Variants in FAM13C observed in about 807,000 individuals in gnomAD.
FAM13C encodes the protein protein FAM13C.
Under a neutral mutation model 73.2 loss-of-function variants are expected in FAM13C, and 37 were observed. That is an observed-to-expected ratio of 0.51 (90% CI 0.39 to 0.67). The LOEUF is 0.67. Among genes scored for constraint, FAM13C ranks in the 30% least tolerant of loss-of-function variants. The pLI is 0.00. For synonymous variants in FAM13C, 246 were observed against 260.9 expected (o/e 0.94, Z 0.55); for missense variants, 589 against 715.6 (o/e 0.82, Z 2.02).
chr10:59,352,017 A>G (rs1170061256), intron 3 of FAM13C, among the ~76,000 whole-genome samples: 2 of 152,176 alleles, frequency 1.3e-5, no homozygotes, highest in Non-Finnish European at 2.9e-5. Flanking sequence ...ATAAATAAAT[A>G]AAAATTAAAA....
At chr10:59,318,901 A>G (rs901965877) in intron 4 of FAM13C, among the ~76,000 whole-genome samples, 4 of 152,128 alleles carry the variant, frequency 2.6e-5, no homozygotes, top group Non-Finnish European at 4.4e-5. Context: ...AGATCCTAGA[A>G]ATATGCAGAG....
intron 2 of FAM13C, among the ~76,000 whole-genome samples, chr10:59,355,389 G>C (rs907006627): frequency 6.6e-6 from 1 of 152,132 alleles, no homozygotes; most frequent in African/African-American, 2.4e-5. Flanking sequence ...CTAAGTGTCA[G>C]TTTCTCCATC....
Position 59,247,619 on chromosome 10 carries a change from T to C in FAM13C, c.1753A>G (p.Ile585Val). The change falls in exon 14 of 14, where the codon ATT becomes GTT. Residue 585 changes from isoleucine to valine, a missense_variant. By Grantham distance (29) the Ile-to-Val change is conservative (BLOSUM62 3). Coordinates refer to ENST00000618804, the MANE Select transcript of FAM13C (RefSeq NM_198215.4). ...LISKQDVAKT[I>V] Reference sequence around the variant, plus strand: ...ATCATAACATTTCCTGAACCTCAAATAGTTTTGGCCACATCTTGCTTGCTG... The same window carrying C: ...ATCATAACATTTCCTGAACCTCAAACAGTTTTGGCCACATCTTGCTTGCTG... 1 of 1,613,340 alleles carries C rather than the reference T, an allele frequency of 6.2e-7. No homozygotes were observed. The highest frequency in any genetic ancestry group is 8.5e-7 in the Non-Finnish European group (1 of 1,179,604).
At chr10:59,293,419 G>C (rs1359070735) in intron 5 of FAM13C, among the ~76,000 whole-genome samples, 1 of 152,130 alleles carries the variant, frequency 6.6e-6, no homozygotes, top group Non-Finnish European at 1.5e-5. Flanking sequence ...AGAACATGCA[G>C]TGTTTATCTT....
chr10:59,288,829 C>T (rs1340400507), intron 5 of FAM13C, among the ~76,000 whole-genome samples: 1 of 152,194 alleles, frequency 6.6e-6, no homozygotes, highest in Admixed American at 6.5e-5. Context: ...CCCTCACTGA[C>T]CCATTACCTG....
chr10:59,328,992 G>A (rs1851560413), intron 3 of FAM13C, among the ~76,000 whole-genome samples: 1 of 152,060 alleles, frequency 6.6e-6, no homozygotes, highest in South Asian at 2.1e-4. Context: ...ATGTCCTTCT[G>A]AATAATTGGG....
chr10:59,252,793 A>G lies in FAM13C; in HGVS notation c.1532+6T>C. On this transcript the variant is annotated splice_donor_region_variant and intron_variant, in intron 12 of 13. Coordinates refer to ENST00000618804, the MANE Select transcript of FAM13C (RefSeq NM_198215.4). Reference sequence around the variant, plus strand: ...AGGAGACTCCACACTTAGGATTCATACTCACATGGTAGCCTCATGTAAATT... The same window carrying G: ...AGGAGACTCCACACTTAGGATTCATGCTCACATGGTAGCCTCATGTAAATT... 6.2e-7 allele frequency: 1 copy of G among 1,613,178 alleles called. No homozygotes were observed. The highest frequency in any genetic ancestry group is 1.8e-4 in the Middle Eastern group (1 of 5,664).
At chr10:59,288,647 G>A (rs1419808308) in intron 5 of FAM13C, among the ~76,000 whole-genome samples, 2 of 152,136 alleles carry the variant, frequency 1.3e-5, no homozygotes, top group East Asian at 1.9e-4. Context: ...TAAACTTAGA[G>A]TAATAGGGAA....
intron 7 of FAM13C, among the ~76,000 whole-genome samples, chr10:59,269,520 G>T (rs191381477): frequency 1.2e-4 from 19 of 152,174 alleles, no homozygotes; most frequent in African/African-American, 3.9e-4. Flanking sequence ...TAGATGGACA[G>T]CTCCCAAGTG....
At position 59,339,970 on chromosome 10, in the gene FAM13C, A is replaced by G. The variant is rs573678068; in HGVS notation, c.324+12300T>C. Among the ~76,000 whole-genome samples the G allele has an allele frequency of 6.6e-5, 10 of 152,324 alleles. No homozygotes were observed. In the South Asian group the frequency reaches 1.9e-3, roughly 28 times the overall value. ...GAAACATTTCCTTCTAAAGAACACA[A>G]CACTAAAAGGCTCTGAGACAAATCA... On this transcript the variant is annotated intron_variant, in intron 3 of 13. Transcript: ENST00000618804.
chr10:59,333,006 T>C (rs1054068853), intron 3 of FAM13C, among the ~76,000 whole-genome samples: 8 of 145,130 alleles, frequency 5.5e-5, no homozygotes, highest in Non-Finnish European at 1.2e-4. Flanking sequence ...TTTATTTATT[T>C]ATTCATTTAT....
At chr10:59,291,894 T>C (rs1262443352) in intron 5 of FAM13C, among the ~76,000 whole-genome samples, 3 of 149,768 alleles carry the variant, frequency 2.0e-5, no homozygotes, top group Non-Finnish European at 4.4e-5. Flanking sequence ...GTTCACGCCA[T>C]TCTCCTGCCT....
intron 5 of FAM13C, among the ~76,000 whole-genome samples, chr10:59,286,423 G>A (rs567380791): frequency 5.6e-4 from 84 of 151,036 alleles, no homozygotes; most frequent in Non-Finnish European, 7.8e-4. Context: ...ACTGAGGCAC[G>A]ATAATTGCTT....
chr10:59,284,173 C>T (rs998675636), intron 5 of FAM13C, among the ~76,000 whole-genome samples: 2 of 152,040 alleles, frequency 1.3e-5, no homozygotes, highest in Non-Finnish European at 2.9e-5. Flanking sequence ...TTTCATAGCC[C>T]TCAGCATAAC....
intron 13 of FAM13C, among the ~76,000 whole-genome samples, chr10:59,249,319 G>GCGTGAAC (rs139592825): frequency 0.76 from 113,678 of 150,444 alleles, 44,767 homozygotes; most frequent in East Asian, 0.9. Context: ...CAGGAGAATG[G>GCGTGAAC]CGTGAACCCA....
Position 59,323,906 on chromosome 10 carries a change from C to T in FAM13C, c.443+82G>A, listed in dbSNP as rs113475042. 2,180 of 1,198,862 alleles carry T rather than the reference C, an allele frequency of 1.8e-3. 34 individuals carry two copies. In the African/African-American group the frequency reaches 0.034, roughly 18 times the overall value. The allele number at this position is 1,198,862 out of a possible 1,614,324, so 74.3% of individuals were successfully genotyped here. Reference sequence around the variant, plus strand: ...CAGCAAAAGTCAGAAAGCCTTGCCTCTTGTGTGGGAGTGGCAAGCACACAG... The same window carrying T: ...CAGCAAAAGTCAGAAAGCCTTGCCTTTTGTGTGGGAGTGGCAAGCACACAG... On this transcript the variant is annotated intron_variant, in intron 4 of 13. Coordinates refer to ENST00000618804, the MANE Select transcript of FAM13C (RefSeq NM_198215.4).
intron 2 of FAM13C, among the ~76,000 whole-genome samples, chr10:59,355,560 C>T (rs1333791549): frequency 1.3e-5 from 2 of 152,180 alleles, no homozygotes; most frequent in Admixed American, 6.5e-5. Context: ...ATACTACAGA[C>T]ACTCAATAAT....
intron 4 of FAM13C, among the ~76,000 whole-genome samples, chr10:59,311,016 A>G (rs1180799597): frequency 6.6e-6 from 1 of 152,206 alleles, no homozygotes; most frequent in African/African-American, 2.4e-5. Context: ...TTCTTTGAGT[A>G]TAGGAGTGAC....
In FAM13C at chr10:59,262,606, G is replaced by C; in HGVS notation, c.1064C>G (p.Pro355Arg). 1 of 1,613,646 alleles carries C rather than the reference G, an allele frequency of 6.2e-7. No individual in the cohort carries two copies. Among genetic ancestry groups the C allele is most frequent in the Non-Finnish European group, 8.5e-7 (1 of 1,179,716 alleles). ...LKLSEEQGSAPKGPPRNLLCE... is the reference protein window; with the variant it reads ...LKLSEEQGSARKGPPRNLLCE... Reference sequence around the variant, plus strand: ...CAACAGGTTTCTAGGTGGACCTTTGGGAGCACTCCCTTGTTCTTCTGACAG... The same window carrying C: ...CAACAGGTTTCTAGGTGGACCTTTGCGAGCACTCCCTTGTTCTTCTGACAG... The change falls in exon 10 of 14, where the codon CCC (proline) becomes CGC (arginine). Residue 355 changes from proline to arginine, a missense_variant. Transcript: ENST00000618804.
Sources: allele counts gnomAD v4.1 joint callset (sites outside exome capture counted in the v4.1 genomes callset), GRCh38; gene constraint gnomAD v4.1.1; transcripts MANE v1.5; gene names NCBI Gene and HGNC (gene_info 2026-07-23, HGNC 2026-07-21).